FRMD4B: variants seen among roughly 807,000 people sequenced by gnomAD.
The protein encoded by FRMD4B is FERM domain-containing protein 4B.
A neutral mutation model predicts 141.5 loss-of-function variants in FRMD4B; 74 were observed. The observed-to-expected ratio is 0.52, with a 90% CI of 0.43 to 0.63. The LOEUF (loss-of-function observed/expected upper bound fraction) is 0.63. FRMD4B is among the 30% of genes least tolerant of loss of function. The pLI is 0.00. For synonymous variants in FRMD4B, 506 were observed against 467.9 expected (o/e 1.08, Z -1.05); for missense variants, 1,366 against 1,253.4 (o/e 1.09, Z -1.36).
At chr3:69,341,740 C>T (rs376475005) in intron 1 of FRMD4B, among the ~76,000 whole-genome samples, 3 of 152,282 alleles carry the variant, frequency 2.0e-5, no homozygotes, top group Middle Eastern at 3.4e-3. Context: ...GTCTCTTTAA[C>T]GGATTAAAGC....
chr3:69,454,277 C>A (rs1461611086), intron 1 of FRMD4B, among the ~76,000 whole-genome samples: 1 of 152,258 alleles, frequency 6.6e-6, no homozygotes, highest in Non-Finnish European at 1.5e-5. Flanking sequence ...GAGGTGACAG[C>A]GTGCTGGCAG....
chr3:69,221,980 C>G, intron 8 of FRMD4B, 57 bp from the exon 9 acceptor site: 1 of 883,036 alleles, frequency 1.1e-6, no homozygotes. Context: ...GGTACAGGCA[C>G]AGTTTCCACA....
intron 1 of FRMD4B, among the ~76,000 whole-genome samples, chr3:69,485,585 G>A (rs1300906501): frequency 6.6e-6 from 1 of 152,232 alleles, no homozygotes; most frequent in Non-Finnish European, 1.5e-5. Flanking sequence ...CAACTTGGAA[G>A]GGGTAGGGCT....
chr3:69,325,240 T>C (rs2107304378), intron 1 of FRMD4B, among the ~76,000 whole-genome samples: 1 of 152,332 alleles, frequency 6.6e-6, no homozygotes, highest in South Asian at 2.1e-4. Context: ...TGCATGCTCC[T>C]TTCTGCCTTA....
At chr3:69,299,310 T>G (rs1944154857) in intron 4 of FRMD4B, among the ~76,000 whole-genome samples, 1 of 152,152 alleles carries the variant, frequency 6.6e-6, no homozygotes, top group Non-Finnish European at 1.5e-5. Context: ...GCATAAACAG[T>G]AATCTCTGTT....
chr3:69,204,174 T>C (rs1458276313), intron 11 of FRMD4B, among the ~76,000 whole-genome samples: 1 of 152,046 alleles, frequency 6.6e-6, no homozygotes, highest in East Asian at 1.9e-4. Context: ...GAGGAATGTG[T>C]CCCAGCATGT....
At chr3:69,440,528 G>C (rs192177905) in intron 1 of FRMD4B, among the ~76,000 whole-genome samples, 81 of 152,216 alleles carry the variant, frequency 5.3e-4, no homozygotes, top group African/African-American at 1.9e-3. Flanking sequence ...AATGTGGCTG[G>C]GCATGGTGGC....
intron 1 of FRMD4B, among the ~76,000 whole-genome samples, chr3:69,519,942 T>A (rs1700824670): frequency 6.7e-6 from 1 of 149,148 alleles, no homozygotes; most frequent in Non-Finnish European, 1.5e-5. Flanking sequence ...TCCAATTTTG[T>A]CCAGGTTGCT....
intron 2 of FRMD4B, among the ~76,000 whole-genome samples, chr3:69,425,022 C>G (rs1306331656): frequency 6.6e-6 from 1 of 152,224 alleles, no homozygotes; most frequent in Non-Finnish European, 1.5e-5. Context: ...GCTTACTTCT[C>G]TGCAGCCAGA....
chr3:69,302,283 C>A (rs528865258), intron 4 of FRMD4B, 60 bp downstream of exon 4: 3 of 916,098 alleles, frequency 3.3e-6, no homozygotes, highest in South Asian at 2.9e-5. Flanking sequence ...AGAAAACACA[C>A]AAAAACCCAA....
Position 69,224,679 on chromosome 3 carries a change from G to A in FRMD4B, c.593C>T (p.Ala198Val), listed in dbSNP as rs773429994. 1 of 1,536,810 alleles carries A rather than the reference G, an allele frequency of 6.5e-7. No homozygotes were observed. The highest frequency in any genetic ancestry group is 8.9e-7 in the Non-Finnish European group (1 of 1,121,014). The change falls in exon 8 of 23, where the codon GCC becomes GTC. Residue 198 changes from alanine (A) to valine (V), a missense_variant. Physicochemically the swap from Ala to Val is moderately conservative, Grantham distance 64. Coordinates refer to ENST00000398540, the MANE Select transcript of FRMD4B (RefSeq NM_015123.3). The part of the protein sequence containing the change: ...AKGDYTSDEN[A>V]RKDLKTLPAF... ...TGGTAATGTCTTTAAATCTTTCCTG[G>A]CATTTTCATCACTAAAAAGAAATGG... is the stretch of plus-strand genomic sequence containing the variant.
chr3:69,353,453 C>T (rs1703219778), intron 1 of FRMD4B: 1 of 408,414 alleles, frequency 2.4e-6, no homozygotes, highest in Non-Finnish European at 3.3e-6. Context: ...TAAAATCTGC[C>T]CAAGATTTTG....
intron 1 of FRMD4B, among the ~76,000 whole-genome samples, chr3:69,464,578 C>T (rs1208322663): frequency 5.3e-5 from 8 of 152,016 alleles, no homozygotes; most frequent in Admixed American, 5.2e-4. Context: ...ATGTGGAGAC[C>T]CCTTTCTTAT....
chr3:69,302,493 G>A (rs751469269), intron 3 of FRMD4B, 58 bp from the exon 4 acceptor site: 7 of 1,026,160 alleles, frequency 6.8e-6, no homozygotes, highest in Middle Eastern at 2.0e-4. Flanking sequence ...GTTCAACAAC[G>A]TACAGTGTTG....
intron 5 of FRMD4B, among the ~76,000 whole-genome samples, chr3:69,266,229 G>T (rs375577042): frequency 0.025 from 3,831 of 152,038 alleles, 144 homozygotes; most frequent in African/African-American, 0.085. Flanking sequence ...GCTCAAAAGT[G>T]GTGAGGACAA....
At chr3:69,434,376 A>T (rs1705228747) in intron 1 of FRMD4B, among the ~76,000 whole-genome samples, 1 of 152,266 alleles carries the variant, frequency 6.6e-6, no homozygotes, top group Non-Finnish European at 1.5e-5. Flanking sequence ...ATGCTATTAT[A>T]CTAGGAATAC....
intron 1 of FRMD4B, among the ~76,000 whole-genome samples, chr3:69,503,287 A>G (rs1425610760): frequency 6.6e-6 from 1 of 152,262 alleles, no homozygotes; most frequent in Non-Finnish European, 1.5e-5. Context: ...AACCAACTCA[A>G]ATGTCCATCA....
intron 11 of FRMD4B, among the ~76,000 whole-genome samples, chr3:69,213,313 G>T (rs1373256886): frequency 1.1e-4 from 16 of 145,466 alleles, no homozygotes; most frequent in Non-Finnish European, 2.2e-4. Context: ...GCATTTTTTT[G>T]TAGTGTTTGC....
At chr3:69,215,282 CTCTTT>C (rs2093128791) in intron 11 of FRMD4B, among the ~76,000 whole-genome samples, 1 of 37,474 alleles carries the variant, frequency 2.7e-5, no homozygotes, top group Admixed American at 3.7e-4. Flanking sequence ...GATTGTGACC[CTCTTT>C]TTTTTTTTTT....
Sources: allele counts gnomAD v4.1 joint callset (sites outside exome capture counted in the v4.1 genomes callset), GRCh38; gene constraint gnomAD v4.1.1; transcripts MANE v1.5; gene names NCBI Gene and HGNC (gene_info 2026-07-23, HGNC 2026-07-21).